The following SCFD1 variants were observed in gnomAD, a reference collection of about 807,000 sequenced individuals.
SCFD1 encodes the protein sec1 family domain containing 1.
In SCFD1, 37 loss-of-function variants were observed where a neutral mutation model predicts 103.2. The ratio of observed to expected loss-of-function variants is 0.36; its 90% CI spans 0.28 to 0.47. The LOEUF is 0.47. Ranked by LOEUF, SCFD1 falls within the 20% of genes least tolerant of loss-of-function variation. SCFD1 has a pLI of 1.00. For missense variants in SCFD1, 639 were observed against 761.2 expected, an observed-to-expected ratio of 0.84 and a Z score of 1.89; for synonymous variants, 264 against 245.0, an observed-to-expected ratio of 1.08 and a Z score of -0.73.
chr14:30,634,127 A>G, intron 4 of SCFD1, 90 bp downstream of exon 4: 1 of 682,950 alleles, frequency 1.5e-6, no homozygotes, highest in Non-Finnish European at 2.5e-6. Flanking sequence ...GTGAAAAATC[A>G]GAAATTCCTA....
intron 3 of SCFD1, 23 bp from the exon 4 acceptor site, chr14:30,633,924 T>C (rs761943097): frequency 7.1e-7 from 1 of 1,414,716 alleles, no homozygotes; most frequent in Non-Finnish European, 9.8e-7. Context: ...AAAAAATAAG[T>C]TTTAGTTCCT....
intron 6 of SCFD1, 103 bp downstream of exon 6, chr14:30,639,967 T>A: frequency 7.6e-7 from 1 of 1,309,724 alleles, no homozygotes; most frequent in Non-Finnish European, 1.0e-6. Context: ...CCAGCTTGTT[T>A]ACAGCAGTAG....
chr14:30,719,382 G>A lies in SCFD1; in HGVS notation c.1736+5G>A. Reference sequence around the variant, plus strand: ...AATGCTGCGGGGCAATGACAGGTAAGCAGCTTTTGTCTTGTTTAACTTGTG... The same window carrying A: ...AATGCTGCGGGGCAATGACAGGTAAACAGCTTTTGTCTTGTTTAACTTGTG... On this transcript the variant is annotated splice_donor_5th_base_variant and intron_variant, in intron 21 of 24. Transcript: ENST00000458591. 6.2e-7 allele frequency: 1 copy of A among 1,603,126 alleles called. No individual in the cohort carries two copies. The highest frequency in any genetic ancestry group is 2.2e-5 in the East Asian group (1 of 44,668).
chr14:30,644,758 C>T lies in SCFD1; in HGVS notation c.613+1353C>T, dbSNP rs150695247. Among the ~76,000 whole-genome samples, 456 of 152,108 alleles carry T rather than the reference C, an allele frequency of 3.0e-3. 2 individuals carry two copies. The highest frequency in any genetic ancestry group is 0.01 in the African/African-American group (435 of 41,512). ...TAAATTCTGTTGGATGCATAGTTTG[C>T]GAATATTTTTTCCCATTCTGTAGGT... is the stretch of plus-strand genomic sequence containing the variant. On this transcript the variant is annotated intron_variant, in intron 7 of 24. Coordinates refer to ENST00000458591, the MANE Select transcript of SCFD1 (RefSeq NM_016106.4).
intron 16 of SCFD1, among the ~76,000 whole-genome samples, chr14:30,700,774 C>T (rs975898246): frequency 6.6e-6 from 1 of 152,164 alleles, no homozygotes; most frequent in Non-Finnish European, 1.5e-5. Context: ...GGAAACTACC[C>T]GTGAAACATC....
chr14:30,730,479 T>A (rs578107711), intron 23 of SCFD1, among the ~76,000 whole-genome samples: 2 of 152,336 alleles, frequency 1.3e-5, no homozygotes, highest in East Asian at 3.9e-4. Context: ...CCACCAACAG[T>A]GTAAAAGTGT....
intron 24 of SCFD1, chr14:30,735,233 T>TAATA (rs1236702416): frequency 4.3e-5 from 13 of 305,446 alleles, no homozygotes; most frequent in African/African-American, 2.4e-4. Context: ...GAACGTTACC[T>TAATA]AATAATGTTT....
At chr14:30,674,130 A>T in intron 13 of SCFD1, 133 bp downstream of exon 13, 1 of 633,206 alleles carries the variant, frequency 1.6e-6, no homozygotes, top group Non-Finnish European at 2.7e-6. Flanking sequence ...GAATTTAAAG[A>T]ACTAAATTGT....
chr14:30,652,249 G>T (rs1041009110), intron 9 of SCFD1: 5 of 152,116 alleles, frequency 3.3e-5, no homozygotes, highest in African/African-American at 1.2e-4. Context: ...ATATGATAGT[G>T]CCTCTAAAGC....
intron 19 of SCFD1, among the ~76,000 whole-genome samples, chr14:30,712,870 C>G (rs1441512245): frequency 6.6e-6 from 1 of 152,106 alleles, no homozygotes; most frequent in Non-Finnish European, 1.5e-5. Flanking sequence ...CTTGAGAATT[C>G]TTACAACAAT....
intron 14 of SCFD1, 87 bp from the exon 15 acceptor site, chr14:30,694,686 A>T: frequency 2.8e-6 from 4 of 1,438,060 alleles, no homozygotes; most frequent in Non-Finnish European, 3.6e-6. Flanking sequence ...AAAATTGATC[A>T]TAGAAAATAG....
In SCFD1 at chr14:30,633,972, A is replaced by C; in HGVS notation, c.247A>C (p.Ile83Leu). The C allele has an allele frequency of 1.9e-6, 3 of 1,603,954 alleles. No individual in the cohort carries two copies. Among genetic ancestry groups the C allele is most frequent in the Non-Finnish European group, 2.6e-6 (3 of 1,173,222 alleles). Residue 83 changes from isoleucine to leucine, a missense_variant, in exon 4 of 25, where the codon ATT becomes CTT. Physicochemically the swap from Ile to Leu is conservative, Grantham distance 5 (BLOSUM62 2). Transcript: ENST00000458591. ...HLLLHSDRDPIPDVPAVYFVM... is the reference protein window; with the variant it reads ...HLLLHSDRDPLPDVPAVYFVM... Reference sequence around the variant, plus strand: ...GCTTTTACACTCTGATCGAGATCCTATTCCAGATGTTCCTGCAGTATACTT... The same window carrying C: ...GCTTTTACACTCTGATCGAGATCCTCTTCCAGATGTTCCTGCAGTATACTT...
rs1266666300 is a variant in SCFD1, at chr14:30,724,261, T to G, written c.1836+1702T>G. Among the ~76,000 whole-genome samples, 221 of 137,518 alleles carry G rather than the reference T, an allele frequency of 1.6e-3. 2 individuals carry two copies. Among genetic ancestry groups the G allele is most frequent in the African/African-American group, 5.9e-3 (214 of 36,214 alleles). The allele number at this position is 137,518 out of a possible 152,430, so 90.2% of individuals were successfully genotyped here. A position where few individuals can be genotyped will look rare whatever the true frequency, so the allele number is the denominator to read the frequency against. On this transcript the variant is annotated intron_variant, in intron 23 of 24. Coordinates refer to ENST00000458591, the MANE Select transcript of SCFD1 (RefSeq NM_016106.4). ...TTTTTATGGGTTTTTTTTTTTTTTTTTTTTTTTTTTTGAGACAGTCTTACT... is the reference window on the plus strand; with the variant it reads ...TTTTTATGGGTTTTTTTTTTTTTTTGTTTTTTTTTTTGAGACAGTCTTACT...
chr14:30,651,886 G>C (rs1413446842), intron 9 of SCFD1, among the ~76,000 whole-genome samples: 2 of 152,154 alleles, frequency 1.3e-5, no homozygotes, highest in African/African-American at 4.8e-5. Flanking sequence ...CTGGAGACAT[G>C]TTTGGTTGTC....
intron 10 of SCFD1, among the ~76,000 whole-genome samples, chr14:30,663,525 G>C (rs979254794): frequency 6.6e-6 from 1 of 152,144 alleles, no homozygotes; most frequent in Admixed American, 6.6e-5. Context: ...TCACTTTCTT[G>C]CCCTATGATA....
chr14:30,647,310 A>G (rs1334044041), intron 7 of SCFD1, among the ~76,000 whole-genome samples: 1 of 152,178 alleles, frequency 6.6e-6, no homozygotes, highest in Non-Finnish European at 1.5e-5. Flanking sequence ...ACAAATGTTT[A>G]GACATGTAGA....
chr14:30,730,118 T>C (rs997066387), intron 23 of SCFD1, among the ~76,000 whole-genome samples: 3 of 152,218 alleles, frequency 2.0e-5, no homozygotes, highest in Admixed American at 2.0e-4. Flanking sequence ...GTTTGGTTTT[T>C]TGTTCTTGCT....
rs193025369 is a variant in SCFD1, at chr14:30,699,861, T to G, written c.1340-327T>G. On this transcript the variant is annotated intron_variant, in intron 15 of 24. Transcript: ENST00000458591. The stretch of plus-strand genomic sequence containing the variant: ...TTTGCCACCTCAAAAGTATCCTGTT[T>G]CAGAATTGTATGGTTACCCTGCTTA... Among the ~76,000 whole-genome samples, 152 of 152,324 alleles carry G rather than the reference T, an allele frequency of 1.0e-3. 1 individual carries two copies. Among genetic ancestry groups the G allele is most frequent in the East Asian group, 4.8e-3 (25 of 5,186 alleles).
intron 6 of SCFD1, among the ~76,000 whole-genome samples, chr14:30,641,605 C>T (rs1885283562): frequency 6.6e-6 from 1 of 152,166 alleles, no homozygotes; most frequent in Admixed American, 6.5e-5. Context: ...GAATTGATAT[C>T]CCCTGAATTC....
Sources: allele counts gnomAD v4.1 joint callset (sites outside exome capture counted in the v4.1 genomes callset), GRCh38; gene constraint gnomAD v4.1.1; transcripts MANE v1.5; gene names NCBI Gene and HGNC (gene_info 2026-07-23, HGNC 2026-07-21).